Variants in ZNF208 observed in about 807,000 individuals in gnomAD.
The protein encoded by ZNF208 is zinc finger protein 95.
In ZNF208, 10 loss-of-function variants were observed where a neutral mutation model predicts 12.1. That is an observed-to-expected ratio of 0.83 (90% CI 0.51 to 1.40). ZNF208 has a LOEUF of 1.40. ZNF208 is among the 40% of genes most tolerant of loss of function. The probability of loss-of-function intolerance (pLI) is 0.00; values close to 1 mark genes in which losing one functional copy is unlikely to be tolerated. For synonymous variants in ZNF208, 497 were observed against 488.4 expected (o/e 1.02, Z -0.23); for missense variants, 1,652 against 1,485.0 (o/e 1.11, Z -1.85).
rs576897210 is a variant in ZNF208 at position 21,976,036 on chromosome 19, T to C, written c.227-1229A>G. 7.2e-5 allele frequency among the ~76,000 whole-genome samples: 11 copies of C among 152,074 alleles called. 1 individual carries two copies. In the South Asian group the frequency reaches 2.3e-3, roughly 32 times the overall value. On this transcript the variant is annotated intron_variant, in intron 3 of 3. Transcript: ENST00000397126. ...AATGTAAGAAAACAACACCTAATCA[T>C]ATAAAAATACATTATTTTCTAGGAA...
intron 1 of ZNF208, among the ~76,000 whole-genome samples, chr19:21,996,818 G>C (rs890530822): frequency 1.3e-5 from 2 of 152,142 alleles, no homozygotes; most frequent in African/African-American, 2.4e-5. Flanking sequence ...GAGGTAAAAT[G>C]GTTAATATCT....
chr19:21,946,920 G>C (rs778213891), intron 4 of ZNF208, among the ~76,000 whole-genome samples: 2 of 151,732 alleles, frequency 1.3e-5, no homozygotes, highest in Non-Finnish European at 2.9e-5. Context: ...GCCAATGAAG[G>C]TGTTGGCACA....
intron 4 of ZNF208, among the ~76,000 whole-genome samples, chr19:21,953,660 G>A (rs939542377): frequency 2.0e-5 from 3 of 152,192 alleles, no homozygotes; most frequent in African/African-American, 7.2e-5. Flanking sequence ...CCTGAAGGAA[G>A]CACTAAACAG....
At position 21,973,401 on chromosome 19, in the gene ZNF208, C is replaced by A; in HGVS notation, c.1633G>T (p.Val545Leu). 6.2e-7 allele frequency: 1 copy of A among 1,610,650 alleles called. No individual in the cohort carries two copies. Among genetic ancestry groups the A allele is most frequent in the Non-Finnish European group, 8.5e-7 (1 of 1,179,392 alleles). ...STFSILTKHKVIHTGEKPYKC... is the reference protein window; with the variant it reads ...STFSILTKHKLIHTGEKPYKC... ...TAGGGTTTCTCTCCAGTATGAATTA[C>A]CTTATGTTTAGTAAGGATTGAGAAT... Residue 545 changes from valine (V) to leucine (L), a missense_variant, in exon 4 of 4, where the codon GTA becomes TTA. Physicochemically the swap from Val to Leu is conservative, Grantham distance 32 (BLOSUM62 1). Transcript: ENST00000397126.
rs896385602 is a variant in ZNF208, at chr19:21,967,507, T to A, written c.*3684A>T. The stretch of plus-strand genomic sequence containing the variant: ...CTCAAATGGTTCTCTTTCCTCAGCC[T>A]CCCAAGTAGCTGGGATTACAGGCAT... On this transcript the variant is annotated 3_prime_UTR_variant, in exon 4 of 4. Transcript: ENST00000397126. 6.6e-6 allele frequency: 1 copy of A among 152,162 alleles called. No individual in the cohort carries two copies. Among genetic ancestry groups the A allele is most frequent in the African/African-American group, 2.4e-5 (1 of 41,432 alleles). 9.4% of individuals were successfully genotyped at this position (152,162 alleles called of 1,614,324 possible). A position where few individuals can be genotyped will look rare whatever the true frequency, so the allele number is the denominator to read the frequency against.
chr19:21,987,106 C>T (rs569053734), intron 3 of ZNF208, 110 bp downstream of exon 3: 2 of 1,156,604 alleles, frequency 1.7e-6, no homozygotes, highest in Admixed American at 2.9e-5. Context: ...AAATTAGTCT[C>T]TCCAGAAACT....
In ZNF208 at chr19:22,007,635, CT is replaced by C. The variant is rs546628015; in HGVS notation, c.3+3156del. On this transcript the variant is annotated intron_variant, in intron 1 of 3. Transcript: ENST00000397126. ...TTAGATATTGTTTTTTGAAATTCAC[CT>C]TTTTTTATGCCCTTTGTAAATATTT... Among the ~76,000 whole-genome samples, 161 of 151,258 alleles carry C rather than the reference CT, an allele frequency of 1.1e-3. 1 individual carries two copies. Among genetic ancestry groups the C allele is most frequent in the Non-Finnish European group, 2.1e-3 (142 of 67,854 alleles).
At chr19:21,981,678 T>C (rs1377062384) in intron 3 of ZNF208, among the ~76,000 whole-genome samples, 3 of 152,184 alleles carry the variant, frequency 2.0e-5, no homozygotes, top group Admixed American at 2.0e-4. Context: ...TCACCACTCC[T>C]ATTCAACATA....
chr19:21,960,166 G>A (rs977564326), intron 4 of ZNF208, among the ~76,000 whole-genome samples: 2 of 151,950 alleles, frequency 1.3e-5, no homozygotes, highest in Non-Finnish European at 2.9e-5. Flanking sequence ...TGATTACCAG[G>A]GGCTAGAAAA....
chr19:21,948,999 C>T (rs1268925005), intron 4 of ZNF208, among the ~76,000 whole-genome samples: 2 of 152,152 alleles, frequency 1.3e-5, no homozygotes, highest in Non-Finnish European at 2.9e-5. Context: ...CAAAGAACCA[C>T]AATCAAGCAT....
chr19:21,994,272 T>C (rs556985384), intron 1 of ZNF208, among the ~76,000 whole-genome samples: 2 of 152,334 alleles, frequency 1.3e-5, no homozygotes, highest in South Asian at 2.1e-4. Flanking sequence ...CTGGTTTTAA[T>C]AAAAAATTTG....
At chr19:21,941,303 C>T (rs1472633533) in intron 4 of ZNF208, 2 of 398,776 alleles carry the variant, frequency 5.0e-6, no homozygotes, top group Non-Finnish European at 8.8e-6. Flanking sequence ...CAGTGCAAAA[C>T]AGTTCACATC....
intron 1 of ZNF208, among the ~76,000 whole-genome samples, chr19:22,007,635 C>T (rs1386219278): frequency 1.3e-5 from 2 of 151,138 alleles, no homozygotes; most frequent in Non-Finnish European, 2.9e-5. Context: ...TGAAATTCAC[C>T]TTTTTTTATG....
rs140039356 is a variant in ZNF208 at position 21,970,804 on chromosome 19, G to A, written c.*387C>T. The A allele has an allele frequency of 3.4e-4, 494 of 1,455,338 alleles. 1 individual carries two copies. The African/African-American group carries it at 5.7e-3, about 17-fold the overall frequency. 90.2% of individuals were successfully genotyped at this position (1,455,338 alleles called of 1,614,324 possible). A position where few individuals can be genotyped will look rare whatever the true frequency, so the allele number is the denominator to read the frequency against. ...TTCTCTCCAGCATGAATTTTCTTAT[G>A]TTTACTAAAGACTGAGAACCAGCTG... is the stretch of plus-strand genomic sequence containing the variant. On this transcript the variant is annotated 3_prime_UTR_variant, in exon 4 of 4. Coordinates refer to ENST00000397126, the MANE Select transcript of ZNF208 (RefSeq NM_007153.3).
rs373289728 is a variant in ZNF208 at position 21,974,765 on chromosome 19, C to T, written c.269G>A (p.Gly90Asp). The T allele has an allele frequency of 1.4e-4, 220 of 1,595,424 alleles. No individual in the cohort carries two copies. The highest frequency in any genetic ancestry group is 1.9e-4 in the Admixed American group (11 of 56,514). ...HFAQDLWPEQ[G>D]IEDSFQKVIL... ...CACTTTTTGGAAAGAATCTTCTATGCCCTGCTCTGGCCAAAGATCTTGAGC... is the reference window on the plus strand; with the variant it reads ...CACTTTTTGGAAAGAATCTTCTATGTCCTGCTCTGGCCAAAGATCTTGAGC... The change falls in exon 4 of 4, where the codon GGC becomes GAC. Residue 90 changes from glycine (G) to aspartate (D), a missense_variant. Around this residue, in one of 3 missense-constraint regions of ZNF208, gnomAD observed 410 missense variants for 378.2 expected, o/e 1.08. Coordinates refer to ENST00000397126, the MANE Select transcript of ZNF208 (RefSeq NM_007153.3).
intron 3 of ZNF208, among the ~76,000 whole-genome samples, chr19:21,976,903 C>T (rs1377874091): frequency 1.3e-5 from 2 of 152,210 alleles, no homozygotes; most frequent in South Asian, 2.1e-4. Flanking sequence ...TGCCTTTCTA[C>T]AAGAGTCAGT....
Position 21,974,368 on chromosome 19 carries a change from A to G in ZNF208, c.666T>C (p.Ala222=). Residue 222 remains alanine, a synonymous_variant, in exon 4 of 4, where the codon GCT becomes GCC. Transcript: ENST00000397126. ...WSSTLTYYKS[A]HTGEKPYRCK... ...ATCTGTAGGGTTTCTCTCCAGTATG[A>G]GCACTCTTATAATAAGTAAGGGTTG... 6.2e-7 allele frequency: 1 copy of G among 1,613,796 alleles called. No individual in the cohort carries two copies. Among genetic ancestry groups the G allele is most frequent in the Non-Finnish European group, 8.5e-7 (1 of 1,179,814 alleles).
chr19:22,008,101 G>A lies in ZNF208; in HGVS notation c.3+2691C>T, dbSNP rs938685251. 3.0e-4 allele frequency among the ~76,000 whole-genome samples: 45 copies of A among 150,450 alleles called. 1 individual carries two copies. Among genetic ancestry groups the A allele is most frequent in the Non-Finnish European group, 1.2e-4 (8 of 67,830 alleles). On this transcript the variant is annotated intron_variant, in intron 1 of 3. Transcript: ENST00000397126. ...AGCCAGATCACAAGGTCAGGAGTTC[G>A]AGAACAGCCTGGTCAATATGGTGAA... is the stretch of plus-strand genomic sequence containing the variant.
At position 21,971,053 on chromosome 19, in the gene ZNF208, A is replaced by T; in HGVS notation, c.*138T>A. 6.2e-7 allele frequency: 1 copy of T among 1,610,556 alleles called. No homozygotes were observed. Among genetic ancestry groups the T allele is most frequent in the Non-Finnish European group, 8.5e-7 (1 of 1,177,606 alleles). ...GTGTCTCTCCAGTATGAATTCTCTTATGTTCCATAAGGTTTGAGGACCAGT... is the reference window on the plus strand; with the variant it reads ...GTGTCTCTCCAGTATGAATTCTCTTTTGTTCCATAAGGTTTGAGGACCAGT... On this transcript the variant is annotated 3_prime_UTR_variant, in exon 4 of 4. Coordinates refer to ENST00000397126, the MANE Select transcript of ZNF208 (RefSeq NM_007153.3).
Sources: allele counts gnomAD v4.1 joint callset (sites outside exome capture counted in the v4.1 genomes callset), GRCh38; gene constraint gnomAD v4.1.1; regional missense constraint gnomAD v4.1.1; transcripts MANE v1.5; gene names NCBI Gene and HGNC (gene_info 2026-07-23, HGNC 2026-07-21).